Variants in L3HYPDH observed in about 807,000 individuals in gnomAD.
L3HYPDH encodes the protein trans-3-hydroxy-L-proline dehydratase.
In L3HYPDH, 32 loss-of-function variants were observed where a neutral mutation model predicts 26.5. That is an observed-to-expected ratio of 1.21 (90% confidence interval 0.91 to 1.62). The LOEUF is 1.62. L3HYPDH is among the 40% of genes most tolerant of loss of function. L3HYPDH has a pLI of 0.00. For missense variants in L3HYPDH, 554 were observed against 476.4 expected, an observed-to-expected ratio of 1.16 and a Z score of -1.52; for synonymous variants, 215 against 196.6, an observed-to-expected ratio of 1.09 and a Z score of -0.78.
At chr14:59,472,429 A>G (rs368615307), downstream of L3HYPDH, among the ~76,000 whole-genome samples, 43 of 152,344 alleles carry the variant, frequency 2.8e-4, no homozygotes, top group East Asian at 4.4e-3. Context: ...GCTTTGTGCC[A>G]CAGAGAACAC....
chr14:59,502,773 T>TTGTTTTTTTTTTTTTTTTTTTTTTTG, the L3HYPDH span, among the ~76,000 whole-genome samples: 1 of 102,836 alleles, frequency 9.7e-6, no homozygotes, highest in African/African-American at 3.9e-5. Flanking sequence ...TTTTTTTTTT[T>TTGTTTTTTTTTTTTTTTTTTTTTTTG]CGGAGTCTCA....
rs181408669 is a variant in L3HYPDH at position 59,474,000 on chromosome 14, A to C, written c.940-910T>G. ...AACTATAAAACAAGTAACTGGAAAC[A>C]TTAACTTCAGCATATCTTTTTATGT... is the stretch of plus-strand genomic sequence containing the variant. On this transcript the variant is annotated intron_variant, in intron 4 of 4. Transcript: ENST00000247194. Among the ~76,000 whole-genome samples the C allele has an allele frequency of 2.5e-3, 386 of 152,350 alleles. 1 individual carries two copies. The highest frequency in any genetic ancestry group is 8.5e-3 in the African/African-American group (353 of 41,576).
At chr14:59,483,278 T>C (rs1335066718) in intron 1 of L3HYPDH, among the ~76,000 whole-genome samples, 1 of 152,228 alleles carries the variant, frequency 6.6e-6, no homozygotes, top group African/African-American at 2.4e-5. Flanking sequence ...TTCCTGTTCT[T>C]AAAGAAAAGC....
Position 59,472,654 on chromosome 14 carries a change from G to A in L3HYPDH, c.*311C>T, listed in dbSNP as rs1350942146. 5.0e-6 allele frequency: 1 copy of A among 199,162 alleles called. No individual in the cohort carries two copies. Among genetic ancestry groups the A allele is most frequent in the East Asian group, 1.2e-4 (1 of 8,650 alleles). 12.3% of individuals were successfully genotyped at this position (199,162 alleles called of 1,614,324 possible). ...TCGAAGAGCCTTTAATACAAAATAT[G>A]ATATTAATAGTAATTACTATAGAGC... On this transcript the variant is annotated 3_prime_UTR_variant, in exon 5 of 5. Transcript: ENST00000247194.
At chr14:59,479,383 T>C (rs754617445) in intron 1 of L3HYPDH, 32 bp from the exon 2 acceptor site, 2 of 1,570,482 alleles carry the variant, frequency 1.3e-6, no homozygotes, top group Non-Finnish European at 8.7e-7. Context: ...AAAGAAGATG[T>C]GTTTGTTAAT....
upstream of L3HYPDH, chr14:59,484,531 C>CGGTGCAGCTGCCAGATCCGCTGATCT: frequency 1.3e-6 from 2 of 1,555,774 alleles, no homozygotes; most frequent in Admixed American, 3.9e-5. Flanking sequence ...CCCGGATGTT[C>CGGTGCAGCTGCCAGATCCGCTGATCT]GGTGCAGCTG....
chr14:59,487,481 G>A (rs1751868730), upstream of L3HYPDH: 2 of 457,704 alleles, frequency 4.4e-6, no homozygotes, highest in Admixed American at 7.2e-5. Context: ...TCTTCTAAGA[G>A]CATTGTACAA....
At chr14:59,467,884 T>A (rs560929150), downstream of L3HYPDH, among the ~76,000 whole-genome samples, 1 of 152,280 alleles carries the variant, frequency 6.6e-6, no homozygotes, top group East Asian at 1.9e-4. Flanking sequence ...CCAGTCCACA[T>A]CCAATTCATC....
chr14:59,465,723 G>A (rs984244154), intron 1 of L3HYPDH, among the ~76,000 whole-genome samples: 1 of 152,188 alleles, frequency 6.6e-6, no homozygotes, highest in Non-Finnish European at 1.5e-5. Flanking sequence ...AGGTAGGAAA[G>A]GAATCTAGAA....
upstream of L3HYPDH, chr14:59,484,606 C>T (rs1404264725): frequency 1.9e-6 from 3 of 1,579,110 alleles, no homozygotes; most frequent in South Asian, 2.3e-5. Context: ...GAGTGGTCGC[C>T]AAGATCCCGG....
the L3HYPDH span, among the ~76,000 whole-genome samples, chr14:59,502,750 A>ATTTTTTTTTTGTTTTGTTTTGTTTTG: frequency 7.1e-3 from 35 of 4,910 alleles, no homozygotes; most frequent in Admixed American, 0.026. Context: ...ATAAAATGAG[A>ATTTTTTTTTTGTTTTGTTTTGTTTTG]TTTTTTTTTT....
intron 1 of L3HYPDH, among the ~76,000 whole-genome samples, chr14:59,467,577 C>T (rs1889225691): frequency 6.6e-6 from 1 of 152,160 alleles, no homozygotes; most frequent in African/African-American, 2.4e-5. Context: ...AAGCCCTGTT[C>T]TCAGCTCCTC....
At chr14:59,480,240 T>A (rs1271261988) in intron 1 of L3HYPDH, among the ~76,000 whole-genome samples, 1 of 152,172 alleles carries the variant, frequency 6.6e-6, no homozygotes. Flanking sequence ...CTCCTAGAGA[T>A]AAATTTTTTC....
upstream of L3HYPDH, among the ~76,000 whole-genome samples, chr14:59,488,580 A>G (rs1890757940): frequency 6.6e-6 from 1 of 152,178 alleles, no homozygotes; most frequent in African/African-American, 2.4e-5. Context: ...GTGGGTTGCA[A>G]ATGAAGAAAA....
intron 1 of L3HYPDH, chr14:59,483,448 G>C (rs1248020487): frequency 3.6e-6 from 4 of 1,101,584 alleles, no homozygotes; most frequent in Non-Finnish European, 4.5e-6. Flanking sequence ...TGGAACCCTG[G>C]TACATTGGCT....
chr14:59,485,011 G>C (rs1424421611), upstream of L3HYPDH: 4 of 1,596,598 alleles, frequency 2.5e-6, no homozygotes, highest in Non-Finnish European at 3.4e-6. Flanking sequence ...CCGTCACAAA[G>C]GGCAGGACCG....
At chr14:59,486,866 C>A (rs1316448034), upstream of L3HYPDH, 2 of 1,126,184 alleles carry the variant, frequency 1.8e-6, no homozygotes, top group East Asian at 5.1e-5. Context: ...GAAATATTTT[C>A]ACATACAACA....
intron 3 of L3HYPDH, 38 bp downstream of exon 3, chr14:59,476,054 T>G: frequency 6.2e-7 from 1 of 1,613,806 alleles, no homozygotes; most frequent in Non-Finnish European, 8.5e-7. Flanking sequence ...TGTTCCATAT[T>G]ACCTGGCTTT....
chr14:59,480,142 G>A (rs1468294800), intron 1 of L3HYPDH, among the ~76,000 whole-genome samples: 1 of 152,182 alleles, frequency 6.6e-6, no homozygotes, highest in East Asian at 1.9e-4. Flanking sequence ...GAGAAAGCTT[G>A]TCTTTCATGT....
Sources: gnomAD v4.1 joint callset for allele counts (sites outside exome capture counted in the v4.1 genomes callset) on GRCh38, gnomAD v4.1.1 for gene constraint, MANE v1.5 for transcripts, NCBI Gene and HGNC (gene_info 2026-07-23, HGNC 2026-07-21) for gene names.